The following RSF1 variants were observed in gnomAD, a reference collection of about 807,000 sequenced individuals.
The protein encoded by RSF1 is remodeling and spacing factor 1.
Under a neutral mutation model 145.2 loss-of-function variants are expected in RSF1, and 13 were observed. That is an observed-to-expected ratio of 0.09 (90% CI 0.06 to 0.14). The LOEUF is 0.14. Ranked by LOEUF, RSF1 falls within the 10% of genes least tolerant of loss-of-function variation. The pLI is 1.00. For synonymous variants in RSF1, 577 were observed against 592.6 expected (o/e 0.97, Z 0.38); for missense variants, 1,517 against 1,718.2 (o/e 0.88, Z 2.07).
Position 77,683,159 on chromosome 11 carries a change from C to T in RSF1, c.3065+551G>A, listed in dbSNP as rs200110482. Among the ~76,000 whole-genome samples the T allele has an allele frequency of 1.5e-4, 23 of 152,132 alleles. 1 individual carries two copies. The East Asian group carries it at 4.1e-3, about 27-fold the overall frequency. ...TACAAAAATTAGCTGGGCGTGGTGGCGGGCGCCTGTAGTCCCAGCTACGTG... is the reference window on the plus strand; with the variant it reads ...TACAAAAATTAGCTGGGCGTGGTGGTGGGCGCCTGTAGTCCCAGCTACGTG... On this transcript the variant is annotated intron_variant, in intron 11 of 15. Coordinates refer to ENST00000308488, the MANE Select transcript of RSF1 (RefSeq NM_016578.4).
intron 5 of RSF1, among the ~76,000 whole-genome samples, chr11:77,716,971 AGT>A (rs1457010119): frequency 6.6e-6 from 1 of 152,066 alleles, no homozygotes; most frequent in African/African-American, 2.4e-5. Context: ...TGAGCTCAGG[AGT>A]TCAAGACCAG....
intron 4 of RSF1, among the ~76,000 whole-genome samples, chr11:77,727,759 C>T (rs753297492): frequency 2.0e-5 from 3 of 152,162 alleles, no homozygotes; most frequent in East Asian, 1.9e-4. Flanking sequence ...GGATTACAAG[C>T]GTGAGCCACT....
chr11:77,689,787 C>G (rs1960102190), intron 9 of RSF1, among the ~76,000 whole-genome samples: 1 of 152,124 alleles, frequency 6.6e-6, no homozygotes, highest in Non-Finnish European at 1.5e-5. Context: ...AAAGAAGGTA[C>G]AAATAAATAT....
intron 15 of RSF1, among the ~76,000 whole-genome samples, chr11:77,671,094 A>T (rs1323332524): frequency 1.0e-4 from 11 of 109,432 alleles, no homozygotes; most frequent in Non-Finnish European, 1.6e-4. Context: ...TGACAGAGTA[A>T]GACTCTGTCA....
rs137945450 is a variant in RSF1, at chr11:77,701,447, A to C, written c.1782T>G (p.Thr594=). 9 of 1,614,028 alleles carry C rather than the reference A, an allele frequency of 5.6e-6. No individual in the cohort carries two copies. In the African/African-American group the frequency reaches 1.2e-4, roughly 22 times the overall value. ...CLEKLEKSKK[T]FLDKDAQRLS... Reference sequence around the variant, plus strand: ...ATCTTTGTGCGTCCTTATCAAGAAAAGTCTTTTTGGACTTCTCTAACTTTT... The same window carrying C: ...ATCTTTGTGCGTCCTTATCAAGAAACGTCTTTTTGGACTTCTCTAACTTTT... Residue 594 remains threonine (T), a synonymous_variant, in exon 6 of 16, where the codon ACT becomes ACG. Coordinates refer to ENST00000308488, the MANE Select transcript of RSF1 (RefSeq NM_016578.4).
intron 1 of RSF1, among the ~76,000 whole-genome samples, chr11:77,805,720 A>C (rs1412854705): frequency 6.6e-6 from 1 of 152,234 alleles, no homozygotes; most frequent in Non-Finnish European, 1.5e-5. Context: ...TAATCTGTTT[A>C]TTCAAGTAAG....
chr11:77,726,078 T>C (rs960670739), intron 4 of RSF1, among the ~76,000 whole-genome samples: 1 of 152,242 alleles, frequency 6.6e-6, no homozygotes, highest in African/African-American at 2.4e-5. Flanking sequence ...TTTTGTTTTG[T>C]TCTTGATTCA....
intron 4 of RSF1, among the ~76,000 whole-genome samples, chr11:77,732,097 A>G (rs1056661617): frequency 3.3e-5 from 5 of 152,160 alleles, no homozygotes; most frequent in African/African-American, 1.2e-4. Flanking sequence ...GAGGCTGTAC[A>G]GGGGCGCAGC....
At chr11:77,787,345 C>T (rs1156896581) in intron 1 of RSF1, among the ~76,000 whole-genome samples, 1 of 151,810 alleles carries the variant, frequency 6.6e-6, no homozygotes, top group African/African-American at 2.4e-5. Flanking sequence ...AGCCCAAGAA[C>T]TAAGAATGAC....
chr11:77,772,848 GAAAAAAAAA>G (rs1161762028), intron 1 of RSF1, among the ~76,000 whole-genome samples: 2 of 85,194 alleles, frequency 2.3e-5, no homozygotes, highest in Non-Finnish European at 4.3e-5. Context: ...GCCCAAGATG[GAAAAAAAAA>G]AAAAAAAAAA....
intron 2 of RSF1, among the ~76,000 whole-genome samples, chr11:77,756,694 T>C (rs1411867723): frequency 1.3e-5 from 2 of 152,132 alleles, no homozygotes; most frequent in African/African-American, 2.4e-5. Context: ...AACCCTTAGA[T>C]TGAAAGTAAT....
At chr11:77,782,441 T>C (rs1948413389) in intron 1 of RSF1, among the ~76,000 whole-genome samples, 1 of 151,778 alleles carries the variant, frequency 6.6e-6, no homozygotes, top group African/African-American at 2.4e-5. Context: ...CTCAGGAGGC[T>C]AAGGCAGGAG....
At chr11:77,733,068 C>T (rs911907361) in intron 4 of RSF1, among the ~76,000 whole-genome samples, 1 of 152,092 alleles carries the variant, frequency 6.6e-6, no homozygotes. Context: ...AACATGTTTT[C>T]ATTTCTCTAA....
intron 1 of RSF1, among the ~76,000 whole-genome samples, chr11:77,779,511 T>C (rs376187978): frequency 1.3e-5 from 2 of 152,004 alleles, no homozygotes; most frequent in African/African-American, 2.4e-5. Flanking sequence ...GCCTCCCAAG[T>C]AGCTGGGATT....
the RSF1 span, among the ~76,000 whole-genome samples, chr11:77,854,125 G>T: frequency 6.6e-6 from 1 of 151,522 alleles, no homozygotes; most frequent in East Asian, 2.0e-4. Flanking sequence ...TGAGTAGCTG[G>T]GACTACAGGC....
the RSF1 span, among the ~76,000 whole-genome samples, chr11:77,842,956 G>A: frequency 6.6e-6 from 1 of 152,116 alleles, no homozygotes; most frequent in East Asian, 1.9e-4. Context: ...CCCTAGAAAT[G>A]ATTAATCTAC....
At chr11:77,714,491 C>G (rs540950457) in intron 5 of RSF1, among the ~76,000 whole-genome samples, 1 of 152,304 alleles carries the variant, frequency 6.6e-6, no homozygotes, top group Non-Finnish European at 1.5e-5. Flanking sequence ...GTTTCTTTCT[C>G]CTTTTCTTCC....
chr11:77,850,196 A>G, the RSF1 span, among the ~76,000 whole-genome samples: 9 of 152,356 alleles, frequency 5.9e-5, 1 homozygote, highest in African/African-American at 1.9e-4. Context: ...CAGATTTTGT[A>G]GTGATTACAG....
At chr11:77,810,978 A>G (rs890970253) in intron 1 of RSF1, among the ~76,000 whole-genome samples, 12 of 152,114 alleles carry the variant, frequency 7.9e-5, no homozygotes, top group African/African-American at 2.9e-4. Flanking sequence ...GTGCAGTGGC[A>G]TGATCAGCCT....
Sources: allele counts gnomAD v4.1 joint callset (sites outside exome capture counted in the v4.1 genomes callset), GRCh38; gene constraint gnomAD v4.1.1; transcripts MANE v1.5; gene names NCBI Gene and HGNC (gene_info 2026-07-23, HGNC 2026-07-21).